MCPH1: variants seen among roughly 807,000 people sequenced by gnomAD.
The protein encoded by MCPH1 is microcephalin 1, also known as microcephalin.
A neutral mutation model predicts 84.5 loss-of-function variants in MCPH1; 104 were observed. The ratio of observed to expected loss-of-function variants is 1.23; its 90% CI spans 1.05 to 1.45. MCPH1 has a LOEUF of 1.45. Ranked by LOEUF, MCPH1 falls within the 40% of genes most tolerant of loss-of-function variation. The pLI is 0.00. For missense variants in MCPH1, 1,498 were observed against 1,005.7 expected, an observed-to-expected ratio of 1.49 and a Z score of -6.62; for synonymous variants, 514 against 366.8, an observed-to-expected ratio of 1.40 and a Z score of -4.58.
chr8:6,425,090 C>T (rs1338271905), intron 3 of MCPH1, among the ~76,000 whole-genome samples: 3 of 152,142 alleles, frequency 2.0e-5, no homozygotes, highest in African/African-American at 7.2e-5. Flanking sequence ...GAATGAGAGT[C>T]GGTGGTTCCT....
chr8:6,507,143 C>G (rs913660368), intron 12 of MCPH1, among the ~76,000 whole-genome samples: 1 of 152,208 alleles, frequency 6.6e-6, no homozygotes, highest in African/African-American at 2.4e-5. Flanking sequence ...GGTGATCCAT[C>G]CACCTTGGCC....
At chr8:6,583,426 T>C (rs1827723209) in intron 12 of MCPH1, among the ~76,000 whole-genome samples, 1 of 152,220 alleles carries the variant, frequency 6.6e-6, no homozygotes, top group Non-Finnish European at 1.5e-5. Flanking sequence ...ACTGGCTGTG[T>C]AATGCAGAAT....
In MCPH1 at chr8:6,503,361, G is replaced by A. The variant is rs6987045; in HGVS notation, c.2214+3432G>A. 3.5e-3 allele frequency: 4,333 copies of A among 1,239,404 alleles called. 114 individuals are homozygous for A. The African/African-American group carries it at 0.057, about 16-fold the overall frequency. 76.8% of individuals were successfully genotyped at this position (1,239,404 alleles called of 1,614,324 possible). A position where few individuals can be genotyped will look rare whatever the true frequency, so the allele number is the denominator to read the frequency against. On this transcript the variant is annotated intron_variant, in intron 12 of 13. Transcript: ENST00000344683. The stretch of plus-strand genomic sequence containing the variant: ...CTAAGGCAGGAGGCACACTGCAGGC[G>A]TGTGGAGTAGGCACATGCAGATGAT...
intron 12 of MCPH1, among the ~76,000 whole-genome samples, chr8:6,528,920 G>A (rs3824312): frequency 0.25 from 37,751 of 152,144 alleles, 5,370 homozygotes; most frequent in Middle Eastern, 0.39. Context: ...CTTGGCCAAC[G>A]TAAGGTTTTG....
intron 12 of MCPH1, among the ~76,000 whole-genome samples, chr8:6,612,074 A>G (rs1830331423): frequency 6.6e-6 from 1 of 152,114 alleles, no homozygotes; most frequent in African/African-American, 2.4e-5. Context: ...AGCCTCCAGG[A>G]GCCACCTCAT....
intron 9 of MCPH1, among the ~76,000 whole-genome samples, chr8:6,476,532 A>G (rs17077067): frequency 0.14 from 20,894 of 152,140 alleles, 1,542 homozygotes; most frequent in Middle Eastern, 0.24. Context: ...ATGGCATGAA[A>G]TTCTTAATTG....
chr8:6,635,685 A>G (rs1441622946), intron 13 of MCPH1, among the ~76,000 whole-genome samples: 2 of 152,194 alleles, frequency 1.3e-5, no homozygotes, highest in East Asian at 1.9e-4. Context: ...TTCTAAGACC[A>G]TTGTTAGTGG....
intron 12 of MCPH1, among the ~76,000 whole-genome samples, chr8:6,556,888 T>A (rs1296230378): frequency 3.3e-5 from 5 of 152,132 alleles, no homozygotes. Flanking sequence ...TGTGCCTGGC[T>A]TTAGGCATTT....
chr8:6,483,675 C>T (rs1176690420), intron 11 of MCPH1, among the ~76,000 whole-genome samples: 1 of 152,196 alleles, frequency 6.6e-6, no homozygotes, highest in African/African-American at 2.4e-5. Flanking sequence ...GCCTGGCCAA[C>T]ATGGTGAAAC....
intron 13 of MCPH1, among the ~76,000 whole-genome samples, chr8:6,623,185 G>C (rs116750766): frequency 6.6e-6 from 1 of 151,810 alleles, no homozygotes; most frequent in Non-Finnish European, 1.5e-5. Flanking sequence ...TCTTTTTCAA[G>C]GCCCCATCTC....
intron 3 of MCPH1, among the ~76,000 whole-genome samples, chr8:6,429,149 T>C (rs1222189704): frequency 6.6e-6 from 1 of 152,238 alleles, no homozygotes; most frequent in Admixed American, 6.5e-5. Flanking sequence ...TTTACATCAT[T>C]ATGAATGTGG....
At chr8:6,463,561 A>G (rs577219700) in intron 9 of MCPH1, among the ~76,000 whole-genome samples, 1 of 152,170 alleles carries the variant, frequency 6.6e-6, no homozygotes, top group Non-Finnish European at 1.5e-5. Context: ...TGGAAAGAAG[A>G]TAAAAGGGTC....
chr8:6,512,522 G>A lies in MCPH1; in HGVS notation c.2214+12593G>A, dbSNP rs118011934. Among the ~76,000 whole-genome samples the A allele has an allele frequency of 7.7e-4, 118 of 152,282 alleles. No homozygotes were observed. The East Asian group carries it at 0.021, about 27-fold the overall frequency. On this transcript the variant is annotated intron_variant, in intron 12 of 13. Transcript: ENST00000344683. ...AATGTGTGCTCCATGATCACGAGGC[G>A]CCACCAGTCTGTGCTCTTTAGACTC...
Position 6,455,251 on chromosome 8 carries a change from A to C in MCPH1, c.1934A>C (p.Lys645Thr), listed in dbSNP as rs765724681. The C allele has an allele frequency of 6.3e-7, 1 of 1,598,146 alleles. No individual in the cohort carries two copies. The change falls in exon 9 of 14, where the codon AAG (lysine) becomes ACG (threonine). Residue 645 changes from lysine to threonine, a missense_variant and splice_region_variant. Transcript: ENST00000344683. Reference sequence around the variant, plus strand: ...TTGAAGAAAAGTGGGAGAGGCAAAAAGGTCAGTGTGTAAAAATATTATTTT... The same window carrying C: ...TTGAAGAAAAGTGGGAGAGGCAAAACGGTCAGTGTGTAAAAATATTATTTT... ...EELKKSGRGK[K>T]PTRTLVMTSM...
In MCPH1 at chr8:6,505,778, T is replaced by TATATGTATATATAGAATATATATATTC. The variant is rs1563308394; in HGVS notation, c.2214+5849_2214+5850insATATGTATATATAGAATATATATATTC. The stretch of plus-strand genomic sequence containing the variant: ...CGTATATATAGAATATATATATTCT[T>TATATGTATATATAGAATATATATATTC]TATATATGTATATATAAAAACATGC... On this transcript the variant is annotated intron_variant, in intron 12 of 13. Transcript: ENST00000344683. 7.6e-4 allele frequency among the ~76,000 whole-genome samples: 90 copies of TATATGTATATATAGAATATATATATTC among 117,912 alleles called. 1 individual carries two copies. The highest frequency in any genetic ancestry group is 2.8e-3 in the African/African-American group (87 of 31,496). The allele number at this position is 117,912 out of a possible 152,430, so 77.4% of individuals were successfully genotyped here. A position where few individuals can be genotyped will look rare whatever the true frequency, so the allele number is the denominator to read the frequency against.
At chr8:6,614,443 G>A (rs944760851) in intron 12 of MCPH1, among the ~76,000 whole-genome samples, 10 of 152,144 alleles carry the variant, frequency 6.6e-5, no homozygotes, top group Non-Finnish European at 1.5e-4. Flanking sequence ...CCACAACTAC[G>A]TACTGCCTCC....
At chr8:6,536,220 A>T (rs1275340558) in intron 12 of MCPH1, among the ~76,000 whole-genome samples, 1 of 152,198 alleles carries the variant, frequency 6.6e-6, no homozygotes, top group African/African-American at 2.4e-5. Context: ...AGCGACAGGA[A>T]CAGCCACAGT....
intron 12 of MCPH1, among the ~76,000 whole-genome samples, chr8:6,594,955 G>C (rs771311650): frequency 6.6e-6 from 1 of 152,104 alleles, no homozygotes; most frequent in Non-Finnish European, 1.5e-5. Flanking sequence ...CTTTAAAATC[G>C]AAGTTTTTCT....
intron 13 of MCPH1, among the ~76,000 whole-genome samples, chr8:6,640,549 A>G (rs1044726308): frequency 2.0e-5 from 3 of 152,092 alleles, no homozygotes; most frequent in Non-Finnish European, 2.9e-5. Context: ...GGTTATTTAT[A>G]TTTTTCACAT....
Sources: allele counts gnomAD v4.1 joint callset (sites outside exome capture counted in the v4.1 genomes callset), GRCh38; gene constraint gnomAD v4.1.1; transcripts MANE v1.5; gene names NCBI Gene and HGNC (gene_info 2026-07-23, HGNC 2026-07-21).